NDFIP1: variants seen among roughly 807,000 people sequenced by gnomAD.
NDFIP1 encodes NEDD4 family-interacting protein 1.
NDFIP1 carries 7 observed loss-of-function variants against 28.8 expected under a neutral mutation model. The ratio of observed to expected loss-of-function variants is 0.24; its 90% CI spans 0.14 to 0.46. The LOEUF (loss-of-function observed/expected upper bound fraction) is 0.46, where lower values mean the gene tolerates loss of function less well. Ranked by LOEUF, NDFIP1 falls within the 20% of genes least tolerant of loss-of-function variation. The probability of loss-of-function intolerance (pLI) is 0.99; values close to 1 mark genes in which losing one functional copy is unlikely to be tolerated. For synonymous variants in NDFIP1, 92 were observed against 101.0 expected (o/e 0.91, Z 0.53); for missense variants, 194 against 269.1 (o/e 0.72, Z 1.95).
intron 1 of NDFIP1, among the ~76,000 whole-genome samples, chr5:142,125,018 G>A (rs187016553): frequency 6.6e-6 from 1 of 152,178 alleles, no homozygotes; most frequent in East Asian, 1.9e-4. Context: ...AGTAGAGATG[G>A]GGTTTCACCT....
rs1370118402 is a variant in NDFIP1 at position 142,153,079 on chromosome 5, T to C, written c.*1351T>C. The C allele has an allele frequency of 1.2e-5, 4 of 339,420 alleles. No homozygotes were observed. In the Admixed American group the frequency reaches 1.2e-4, roughly 10 times the overall value. 21.0% of individuals were successfully genotyped at this position (339,420 alleles called of 1,614,324 possible). A position where few individuals can be genotyped will look rare whatever the true frequency, so the allele number is the denominator to read the frequency against. On this transcript the variant is annotated 3_prime_UTR_variant, in exon 8 of 8. Coordinates refer to ENST00000253814, the MANE Select transcript of NDFIP1 (RefSeq NM_030571.4). Reference sequence around the variant, plus strand: ...AATTTTTAGACATAATTTTAGATAATTTATTTCCAGTGTTTTCTGCATGTT... The same window carrying C: ...AATTTTTAGACATAATTTTAGATAACTTATTTCCAGTGTTTTCTGCATGTT...
At chr5:142,127,758 C>T (rs1003471361) in intron 1 of NDFIP1, among the ~76,000 whole-genome samples, 2 of 152,026 alleles carry the variant, frequency 1.3e-5, no homozygotes, top group South Asian at 4.2e-4. Context: ...GAGTTTGGTA[C>T]CAACCTGGCC....
At chr5:142,130,635 G>C (rs1040445652) in intron 1 of NDFIP1, among the ~76,000 whole-genome samples, 2 of 151,746 alleles carry the variant, frequency 1.3e-5, no homozygotes, top group African/African-American at 4.8e-5. Context: ...CAGGGTCACA[G>C]TGTGCCATAA....
chr5:142,131,769 G>T, intron 1 of NDFIP1, 39 bp from the exon 2 acceptor site: 1 of 1,470,212 alleles, frequency 6.8e-7, no homozygotes, highest in Admixed American at 2.4e-5. Context: ...CTTTCTAATT[G>T]GCTTTATGCT....
At chr5:142,138,362 T>C (rs965302779) in intron 5 of NDFIP1, among the ~76,000 whole-genome samples, 2 of 152,200 alleles carry the variant, frequency 1.3e-5, no homozygotes, top group African/African-American at 4.8e-5. Flanking sequence ...GGAGCCTACC[T>C]CTCAAGTAAA....
chr5:142,142,940 A>AATATATATATAT (rs1554092157), intron 6 of NDFIP1: 131 of 38,064 alleles, frequency 3.4e-3, no homozygotes, highest in African/African-American at 5.4e-3. Flanking sequence ...AAAAAAAAAA[A>AATATATATATAT]ATATATATAT....
intron 7 of NDFIP1, among the ~76,000 whole-genome samples, chr5:142,148,858 A>T (rs1431036070): frequency 6.7e-6 from 1 of 150,024 alleles, no homozygotes; most frequent in African/African-American, 2.4e-5. Flanking sequence ...TAAAGTGTTT[A>T]TACTTTTCTT....
intron 3 of NDFIP1, among the ~76,000 whole-genome samples, chr5:142,132,943 A>G (rs1757241138): frequency 6.6e-6 from 1 of 152,238 alleles, no homozygotes; most frequent in Non-Finnish European, 1.5e-5. Context: ...CATTTTGTAA[A>G]TATTCATCCA....
intron 1 of NDFIP1, among the ~76,000 whole-genome samples, chr5:142,124,652 T>G (rs1031004007): frequency 1.3e-5 from 2 of 152,230 alleles, no homozygotes; most frequent in African/African-American, 4.8e-5. Context: ...AAAACATTAT[T>G]CTGATTACTT....
rs1012435906 is a variant in NDFIP1 at position 142,151,714 on chromosome 5, A to G, written c.*3-17A>G. 2 of 152,662 alleles carry G rather than the reference A, an allele frequency of 1.3e-5. No individual in the cohort carries two copies. Among genetic ancestry groups the G allele is most frequent in the Non-Finnish European group, 2.9e-5 (2 of 68,046 alleles). 9.5% of individuals were successfully genotyped at this position (152,662 alleles called of 1,614,324 possible). A position where few individuals can be genotyped will look rare whatever the true frequency, so the allele number is the denominator to read the frequency against. ...AAGCTAACTAGAGTTTCAATATTCAATATCCTTCTCTGGCAGATGTTTTCT... is the reference window on the plus strand; with the variant it reads ...AAGCTAACTAGAGTTTCAATATTCAGTATCCTTCTCTGGCAGATGTTTTCT... On this transcript the variant is annotated splice_polypyrimidine_tract_variant and intron_variant, in intron 7 of 7. Coordinates refer to ENST00000253814, the MANE Select transcript of NDFIP1 (RefSeq NM_030571.4).
intron 1 of NDFIP1, among the ~76,000 whole-genome samples, chr5:142,120,384 T>C (rs527944550): frequency 2.6e-5 from 4 of 152,334 alleles, no homozygotes; most frequent in African/African-American, 9.6e-5. Context: ...GTTCTTGAGC[T>C]TTTGGGGGAT....
chr5:142,152,945 C>A lies in NDFIP1; in HGVS notation c.*1217C>A, dbSNP rs148795940. On this transcript the variant is annotated 3_prime_UTR_variant, in exon 8 of 8. Coordinates refer to ENST00000253814, the MANE Select transcript of NDFIP1 (RefSeq NM_030571.4). The stretch of plus-strand genomic sequence containing the variant: ...AAGTCCTCTTATATCCTACTAAATA[C>A]ATTCCTAAAAATGTATTTGAACATT... 1 of 242,216 alleles carries A rather than the reference C, an allele frequency of 4.1e-6. No homozygotes were observed. The highest frequency in any genetic ancestry group is 8.2e-6 in the Non-Finnish European group (1 of 121,570). 15.0% of individuals were successfully genotyped at this position (242,216 alleles called of 1,614,324 possible).
At chr5:142,110,876 A>C (rs1217718479) in intron 1 of NDFIP1, among the ~76,000 whole-genome samples, 1 of 151,288 alleles carries the variant, frequency 6.6e-6, no homozygotes, top group Non-Finnish European at 1.5e-5. Flanking sequence ...CTTTTAATTC[A>C]TACCAAACCC....
At chr5:142,122,105 C>T (rs945208568) in intron 1 of NDFIP1, among the ~76,000 whole-genome samples, 3 of 152,206 alleles carry the variant, frequency 2.0e-5, no homozygotes, top group African/African-American at 7.2e-5. Flanking sequence ...AATGAATTTT[C>T]ACAAACTGAA....
intron 1 of NDFIP1, among the ~76,000 whole-genome samples, chr5:142,117,014 A>G (rs12513402): frequency 0.11 from 16,382 of 151,596 alleles, 1,227 homozygotes; most frequent in East Asian, 0.37. Context: ...CCCGGCCCAT[A>G]TGTATAATAT....
rs1373659633 is a variant in NDFIP1 at position 142,151,754 on chromosome 5, T to G, written c.*26T>G. On this transcript the variant is annotated 3_prime_UTR_variant, in exon 8 of 8. Transcript: ENST00000253814. ...AGATGTTTTCTGGCAAAGGCCTTCCTGCATTTATGAATTCTCTCTCAAGAA... is the reference window on the plus strand; with the variant it reads ...AGATGTTTTCTGGCAAAGGCCTTCCGGCATTTATGAATTCTCTCTCAAGAA... The G allele has an allele frequency of 1.3e-5, 2 of 152,760 alleles. No individual in the cohort carries two copies. Among genetic ancestry groups the G allele is most frequent in the Non-Finnish European group, 2.9e-5 (2 of 68,042 alleles). 9.5% of individuals were successfully genotyped at this position (152,760 alleles called of 1,614,324 possible). A position where few individuals can be genotyped will look rare whatever the true frequency, so the allele number is the denominator to read the frequency against.
intron 1 of NDFIP1, among the ~76,000 whole-genome samples, chr5:142,116,049 T>C (rs193009948): frequency 6.6e-6 from 1 of 152,304 alleles, no homozygotes; most frequent in East Asian, 1.9e-4. Context: ...CATTTTGGTA[T>C]CTGTGGGGAG....
chr5:142,120,937 C>T (rs1297450714), intron 1 of NDFIP1, among the ~76,000 whole-genome samples: 1 of 152,194 alleles, frequency 6.6e-6, no homozygotes, highest in East Asian at 1.9e-4. Context: ...ATACCTTTTC[C>T]CACCCATAAT....
At chr5:142,119,601 T>C (rs1757102745) in intron 1 of NDFIP1, among the ~76,000 whole-genome samples, 1 of 152,204 alleles carries the variant, frequency 6.6e-6, no homozygotes, top group Non-Finnish European at 1.5e-5. Context: ...CACAAATGCA[T>C]AGTGTCTTTT....
Sources: allele counts gnomAD v4.1 joint callset (sites outside exome capture counted in the v4.1 genomes callset), GRCh38; gene constraint gnomAD v4.1.1; transcripts MANE v1.5; gene names NCBI Gene and HGNC (gene_info 2026-07-23, HGNC 2026-07-21).